The following CYYR1 variants were observed in gnomAD, a reference collection of about 807,000 sequenced individuals.
The protein encoded by CYYR1 is cysteine and tyrosine rich 1.
In CYYR1, 14 loss-of-function variants were observed where a neutral mutation model predicts 15.2. The ratio of observed to expected loss-of-function variants is 0.92; its 90% CI spans 0.61 to 1.44. CYYR1 has a LOEUF of 1.44. Ranked by LOEUF, CYYR1 falls within the 40% of genes most tolerant of loss-of-function variation. The pLI, the probability that CYYR1 is intolerant of heterozygous loss-of-function variation, is 0.00. For missense variants in CYYR1, 228 were observed against 209.5 expected (o/e 1.09, Z -0.54); for synonymous variants, 80 against 77.4 (o/e 1.03, Z -0.18).
intron 2 of CYYR1, among the ~76,000 whole-genome samples, chr21:26,502,383 C>T (rs73179266): frequency 0.012 from 1,751 of 149,526 alleles, 11 homozygotes; most frequent in Non-Finnish European, 0.02. Flanking sequence ...ACTCTGGGAG[C>T]GGGCAAAAAT....
intron 2 of CYYR1, among the ~76,000 whole-genome samples, chr21:26,544,719 G>C (rs1242409518): frequency 1.3e-5 from 2 of 152,138 alleles, no homozygotes; most frequent in African/African-American, 4.8e-5. Flanking sequence ...AAATTCTAAA[G>C]GATGATCTTG....
chr21:26,566,872 C>T (rs1370505883), intron 1 of CYYR1, among the ~76,000 whole-genome samples: 4 of 151,768 alleles, frequency 2.6e-5, no homozygotes, highest in South Asian at 4.2e-4. Context: ...AGCTGGGTGT[C>T]GTGGTGCACA....
At chr21:26,493,847 T>A (rs888369723) in intron 2 of CYYR1, among the ~76,000 whole-genome samples, 2 of 152,180 alleles carry the variant, frequency 1.3e-5, no homozygotes, top group African/African-American at 4.8e-5. Context: ...TGAACATGTT[T>A]ATAAAATGCA....
chr21:26,573,076 G>A lies in CYYR1; in HGVS notation c.-136C>T. On this transcript the variant is annotated 5_prime_UTR_variant, in exon 1 of 4. Coordinates refer to ENST00000652641, the MANE Select transcript of CYYR1 (RefSeq NM_001320768.2). ...AGCAGAGACCCGGCCATTGCCTAGGGAGCCTTCCAAGGGAGCCCGGGCCGG... is the reference window on the plus strand; with the variant it reads ...AGCAGAGACCCGGCCATTGCCTAGGAAGCCTTCCAAGGGAGCCCGGGCCGG... 1 of 1,550,126 alleles carries A rather than the reference G, an allele frequency of 6.5e-7. No homozygotes were observed. Among genetic ancestry groups the A allele is most frequent in the Non-Finnish European group, 8.7e-7 (1 of 1,150,980 alleles).
intron 2 of CYYR1, among the ~76,000 whole-genome samples, chr21:26,532,159 A>G (rs924228821): frequency 3.3e-5 from 5 of 152,152 alleles, no homozygotes; most frequent in Admixed American, 6.6e-5. Flanking sequence ...GACATTTTTA[A>G]TATCAATAAT....
At chr21:26,471,170 A>G (rs745800691) in intron 3 of CYYR1, 1 of 152,176 alleles carries the variant, frequency 6.6e-6, no homozygotes, top group Non-Finnish European at 1.5e-5. Flanking sequence ...GATTTATAAC[A>G]AACTTCATCC....
chr21:26,572,255 C>A lies in CYYR1; in HGVS notation c.73+613G>T, dbSNP rs367694921. 2.6e-5 allele frequency among the ~76,000 whole-genome samples: 4 copies of A among 152,312 alleles called. 1 individual carries two copies. The highest frequency in any genetic ancestry group is 9.6e-5 in the African/African-American group (4 of 41,562). On this transcript the variant is annotated intron_variant, in intron 1 of 3. Coordinates refer to ENST00000652641, the MANE Select transcript of CYYR1 (RefSeq NM_001320768.2). ...TCCATATTAATCACAAACAAGAAAA[C>A]CCACTTTGCTTCGTTAATTATTAGC...
chr21:26,471,608 GC>G (rs2065033685), intron 3 of CYYR1: 1 of 152,158 alleles, frequency 6.6e-6, no homozygotes, highest in Non-Finnish European at 1.5e-5. Context: ...TATAATATCA[GC>G]CACTGGAAGA....
intron 2 of CYYR1, among the ~76,000 whole-genome samples, chr21:26,491,009 G>A (rs943140076): frequency 1.3e-5 from 2 of 152,176 alleles, no homozygotes; most frequent in African/African-American, 4.8e-5. Context: ...TGAAAGGCAA[G>A]AGTGTAGAAT....
chr21:26,525,053 T>G (rs2065847085), intron 2 of CYYR1, among the ~76,000 whole-genome samples: 1 of 152,154 alleles, frequency 6.6e-6, no homozygotes, highest in South Asian at 2.1e-4. Context: ...CTACATGAAA[T>G]CCTCAGTACC....
chr21:26,550,380 G>A (rs1979301308), intron 2 of CYYR1: 1 of 152,056 alleles, frequency 6.6e-6, no homozygotes, highest in South Asian at 2.1e-4. Flanking sequence ...CTCTACAATG[G>A]CCTCTAAGAG....
intron 3 of CYYR1, among the ~76,000 whole-genome samples, chr21:26,474,498 G>C (rs1156540527): frequency 3.4e-5 from 5 of 146,620 alleles, no homozygotes; most frequent in African/African-American, 1.3e-4. Flanking sequence ...CTTAGCCTCA[G>C]TAGTAGCTGG....
chr21:26,548,418 C>T (rs901428185), intron 2 of CYYR1, among the ~76,000 whole-genome samples: 1 of 152,190 alleles, frequency 6.6e-6, no homozygotes, highest in African/African-American at 2.4e-5. Context: ...ATGAGTATGG[C>T]TCATTACAGC....
intron 2 of CYYR1, among the ~76,000 whole-genome samples, chr21:26,536,984 T>C (rs142941418): frequency 6.6e-6 from 1 of 152,272 alleles, no homozygotes; most frequent in East Asian, 1.9e-4. Flanking sequence ...GAATGTGCAA[T>C]TGTAAATACT....
At chr21:26,496,142 G>A (rs2065400073) in intron 2 of CYYR1, among the ~76,000 whole-genome samples, 1 of 152,210 alleles carries the variant, frequency 6.6e-6, no homozygotes, top group African/African-American at 2.4e-5. Flanking sequence ...CTGGAGATGA[G>A]ATCAAGATAT....
chr21:26,522,331 T>G (rs2065813424), intron 2 of CYYR1, among the ~76,000 whole-genome samples: 1 of 152,150 alleles, frequency 6.6e-6, no homozygotes, highest in Non-Finnish European at 1.5e-5. Flanking sequence ...TATGATCCAG[T>G]AGCTTTTATC....
At chr21:26,480,689 CAGTTCTTAAAATTCATGTTTTGATACAA>C (rs2065168128) in intron 2 of CYYR1, among the ~76,000 whole-genome samples, 1 of 151,778 alleles carries the variant, frequency 6.6e-6, no homozygotes, top group African/African-American at 2.4e-5. Flanking sequence ...ATTCAGATTC[CAGTTCTTAAAATTCATGTTTTGATACAA>C]AGCACAATTC....
intron 2 of CYYR1, among the ~76,000 whole-genome samples, chr21:26,558,745 T>C (rs776513011): frequency 2.0e-5 from 3 of 152,210 alleles, no homozygotes; most frequent in Non-Finnish European, 2.9e-5. Context: ...GTAGTACACA[T>C]TGCTCTTCAG....
intron 2 of CYYR1, among the ~76,000 whole-genome samples, chr21:26,484,187 G>A (rs2065221613): frequency 6.6e-6 from 1 of 152,146 alleles, no homozygotes; most frequent in East Asian, 1.9e-4. Flanking sequence ...AACGCTGTTA[G>A]ATTATATGGG....
Sources: gnomAD v4.1 joint callset for allele counts (sites outside exome capture counted in the v4.1 genomes callset) on GRCh38, gnomAD v4.1.1 for gene constraint, MANE v1.5 for transcripts, NCBI Gene and HGNC (gene_info 2026-07-23, HGNC 2026-07-21) for gene names.